The following P2RY14 variants were observed in gnomAD, a reference collection of about 807,000 sequenced individuals.
P2RY14 encodes P2Y purinoceptor 14.
In P2RY14, 2 loss-of-function variants were observed where a neutral mutation model predicts 0.9. That is an observed-to-expected ratio of 2.16 (90% CI 0.88 to 6.79). P2RY14 has a LOEUF of 6.79. Among genes scored for constraint, P2RY14 ranks in the 30% most tolerant of loss-of-function variants. The pLI, the probability that P2RY14 is intolerant of heterozygous loss-of-function variation, is 0.05. For synonymous variants in P2RY14, 158 were observed against 147.2 expected, an observed-to-expected ratio of 1.07 and a Z score of -0.53; for missense variants, 378 against 400.1, an observed-to-expected ratio of 0.94 and a Z score of 0.47.
intron 1 of P2RY14, among the ~76,000 whole-genome samples, chr3:151,254,070 T>C (rs1737352901): frequency 6.6e-6 from 1 of 151,518 alleles, no homozygotes; most frequent in Admixed American, 6.6e-5. Flanking sequence ...TAAGAAACAA[T>C]TTAAAAAAAC....
intron 1 of P2RY14, among the ~76,000 whole-genome samples, chr3:151,265,649 G>T (rs551920966): frequency 6.6e-6 from 1 of 152,168 alleles, no homozygotes; most frequent in Non-Finnish European, 1.5e-5. Flanking sequence ...GGAGGAATCT[G>T]AGTAGGTTTT....
intron 1 of P2RY14, among the ~76,000 whole-genome samples, chr3:151,234,262 A>G (rs1221551990): frequency 6.6e-6 from 1 of 152,254 alleles, no homozygotes; most frequent in Admixed American, 6.5e-5. Flanking sequence ...TGAATTAACT[A>G]CAGTTAGTAA....
chr3:151,256,404 G>C (rs1737822401), intron 1 of P2RY14, among the ~76,000 whole-genome samples: 1 of 152,132 alleles, frequency 6.6e-6, no homozygotes. Flanking sequence ...AGTAAGGAAG[G>C]GATGGAGACA....
intron 1 of P2RY14, among the ~76,000 whole-genome samples, chr3:151,256,156 C>T (rs1737775600): frequency 6.6e-6 from 1 of 152,272 alleles, no homozygotes; most frequent in Middle Eastern, 3.4e-3. Flanking sequence ...TTGACCCAGC[C>T]ACTGTGGTTA....
intron 2 of P2RY14, among the ~76,000 whole-genome samples, chr3:151,214,727 A>G (rs1430492035): frequency 6.6e-6 from 1 of 152,118 alleles, no homozygotes; most frequent in Non-Finnish European, 1.5e-5. Flanking sequence ...TCTAGGTAAT[A>G]CGGAGACCAG....
At chr3:151,266,403 A>C (rs989114730) in intron 1 of P2RY14, among the ~76,000 whole-genome samples, 8 of 152,262 alleles carry the variant, frequency 5.3e-5, no homozygotes, top group African/African-American at 1.9e-4. Flanking sequence ...TCATCCAGAT[A>C]GAAAGCAGTT....
intron 1 of P2RY14, among the ~76,000 whole-genome samples, chr3:151,229,635 T>TG: frequency 6.6e-6 from 1 of 151,060 alleles, no homozygotes; most frequent in African/African-American, 2.4e-5. Flanking sequence ...CCCACCACCA[T>TG]GCCTGGCTTA....
At chr3:151,274,751 G>T (rs928960452) in intron 1 of P2RY14, among the ~76,000 whole-genome samples, 2 of 152,092 alleles carry the variant, frequency 1.3e-5, no homozygotes, top group South Asian at 4.1e-4. Flanking sequence ...TGTCATAATT[G>T]AATGACTATC....
intron 1 of P2RY14, among the ~76,000 whole-genome samples, chr3:151,246,406 C>T (rs1409993582): frequency 1.3e-5 from 2 of 152,062 alleles, no homozygotes; most frequent in East Asian, 1.9e-4. Flanking sequence ...CAGCATGGTA[C>T]TGGTACCAAA....
At chr3:151,219,896 C>G (rs978018899) in intron 1 of P2RY14, among the ~76,000 whole-genome samples, 2 of 135,102 alleles carry the variant, frequency 1.5e-5, no homozygotes, top group Non-Finnish European at 3.2e-5. Flanking sequence ...ATATTACCCC[C>G]CCCCCCCCCT....
At chr3:151,269,154 A>G (rs1406835632) in intron 1 of P2RY14, among the ~76,000 whole-genome samples, 1 of 152,124 alleles carries the variant, frequency 6.6e-6, no homozygotes, top group Non-Finnish European at 1.5e-5. Context: ...TTATGCCTAT[A>G]CTCTGGGAGG....
rs1356743139 is a variant in P2RY14, at chr3:151,253,989, AT to A, written c.-133+24297del. 1.3e-4 allele frequency among the ~76,000 whole-genome samples: 16 copies of A among 120,318 alleles called. No homozygotes were observed. The East Asian group carries it at 3.0e-3, about 22-fold the overall frequency. 78.9% of individuals were successfully genotyped at this position (120,318 alleles called of 152,430 possible). A position where few individuals can be genotyped will look rare whatever the true frequency, so the allele number is the denominator to read the frequency against. On this transcript the variant is annotated intron_variant, in intron 1 of 2. Coordinates refer to ENST00000309170, the MANE Select transcript of P2RY14 (RefSeq NM_014879.4). ...TTTGATATACCTTCTTTTTGTTTTG[AT>A]TTTTTCTTGTTTTTTTTTTTTGTTA...
chr3:151,236,307 G>A (rs1260861703), intron 1 of P2RY14, among the ~76,000 whole-genome samples: 3 of 152,150 alleles, frequency 2.0e-5, no homozygotes. Context: ...ATTTTGAATT[G>A]CCACTTCAAT....
chr3:151,259,638 G>C (rs7618206), intron 1 of P2RY14, among the ~76,000 whole-genome samples: 3 of 152,054 alleles, frequency 2.0e-5, no homozygotes, highest in Admixed American at 6.5e-5. Context: ...TGAGCCTCAA[G>C]ATAGGTAGGT....
At chr3:151,218,803 G>T (rs1379270946) in intron 2 of P2RY14, among the ~76,000 whole-genome samples, 1 of 144,700 alleles carries the variant, frequency 6.9e-6, no homozygotes. Context: ...GGAGGCGGAG[G>T]TTGCAGTGAG....
Position 151,214,011 on chromosome 3 carries a change from G to A in P2RY14, c.306C>T (p.Tyr102=), listed in dbSNP as rs138172429. 4,291 of 1,614,058 alleles carry A rather than the reference G, an allele frequency of 2.7e-3. 8 individuals carry two copies. Among genetic ancestry groups the A allele is most frequent in the Non-Finnish European group, 3.1e-3 (3,641 of 1,179,946 alleles). Residue 102 remains tyrosine (Y), a synonymous_variant, in exon 3 of 3, where the codon TAC becomes TAT. Coordinates refer to ENST00000309170, the MANE Select transcript of P2RY14 (RefSeq NM_014879.4). ...FVCRVSAVLF[Y]VNMYVSIVFF... is the part of the protein sequence containing the mutation. ...ACACAATGCTGACGTACATGTTGAC[G>A]TAGAAGAGCACGGCAGAGACCCTGC...
intron 1 of P2RY14, among the ~76,000 whole-genome samples, chr3:151,241,044 G>C (rs139131480): frequency 2.0e-5 from 3 of 151,886 alleles, no homozygotes; most frequent in Non-Finnish European, 4.4e-5. Flanking sequence ...CTGTGTAAAG[G>C]CTTTAAAAAC....
chr3:151,227,563 A>G, intron 1 of P2RY14, among the ~76,000 whole-genome samples: 1 of 152,234 alleles, frequency 6.6e-6, no homozygotes, highest in East Asian at 1.9e-4. Context: ...TAAGAACTCC[A>G]GCCTGTCTTC....
intron 1 of P2RY14, among the ~76,000 whole-genome samples, chr3:151,242,194 G>T (rs1466045383): frequency 6.6e-6 from 1 of 152,238 alleles, no homozygotes; most frequent in Non-Finnish European, 1.5e-5. Flanking sequence ...ACACGGCTGG[G>T]GGAGGGGCGC....
Sources: allele counts gnomAD v4.1 joint callset (sites outside exome capture counted in the v4.1 genomes callset), GRCh38; gene constraint gnomAD v4.1.1; transcripts MANE v1.5; gene names NCBI Gene and HGNC (gene_info 2026-07-23, HGNC 2026-07-21).